Variants in ASIC2 observed in about 807,000 individuals in gnomAD.
ASIC2 encodes the protein acid sensing ion channel subunit 2.
ASIC2 carries 25 observed loss-of-function variants against 57.3 expected under a neutral mutation model. That is an observed-to-expected ratio of 0.44 (90% CI 0.32 to 0.61). ASIC2 has a LOEUF of 0.61. ASIC2 is among the 20% of genes least tolerant of loss of function. The pLI is 0.06. For missense variants in ASIC2, 641 were observed against 738.1 expected (o/e 0.87, Z 1.52); for synonymous variants, 319 against 307.5 (o/e 1.04, Z -0.39).
At chr17:33,635,825 G>T (rs1401350126) in intron 1 of ASIC2, among the ~76,000 whole-genome samples, 1 of 152,092 alleles carries the variant, frequency 6.6e-6, no homozygotes. Context: ...AAACCTCATC[G>T]CCATGATCTC....
At chr17:33,057,446 G>C (rs1195910073) in intron 3 of ASIC2, among the ~76,000 whole-genome samples, 1 of 152,210 alleles carries the variant, frequency 6.6e-6, no homozygotes, top group African/African-American at 2.4e-5. Context: ...CTATGTGCTT[G>C]TCATTTTCCT....
intron 1 of ASIC2, among the ~76,000 whole-genome samples, chr17:34,062,080 G>A (rs1010679598): frequency 1.3e-5 from 2 of 152,120 alleles, no homozygotes; most frequent in East Asian, 1.9e-4. Flanking sequence ...CATTCTATTC[G>A]ACAGTGCATG....
chr17:33,207,783 T>C (rs319789), intron 1 of ASIC2, among the ~76,000 whole-genome samples: 110,880 of 152,046 alleles, frequency 0.73, 41,120 homozygotes, highest in African/African-American at 0.86. Context: ...CAGGAGTTGC[T>C]CTCCACCAAA....
intron 1 of ASIC2, among the ~76,000 whole-genome samples, chr17:33,323,336 G>A (rs927587392): frequency 6.6e-6 from 1 of 152,180 alleles, no homozygotes; most frequent in Non-Finnish European, 1.5e-5. Flanking sequence ...ATACAGTAGA[G>A]TACTATACAA....
At chr17:33,909,867 C>G (rs1915425303) in intron 1 of ASIC2, among the ~76,000 whole-genome samples, 2 of 152,028 alleles carry the variant, frequency 1.3e-5, no homozygotes, top group Admixed American at 1.3e-4. Flanking sequence ...TCTCTCATCC[C>G]CTGAAGAGAA....
At chr17:34,104,193 A>G (rs1241075523) in intron 1 of ASIC2, among the ~76,000 whole-genome samples, 3 of 152,054 alleles carry the variant, frequency 2.0e-5, no homozygotes, top group African/African-American at 7.2e-5. Flanking sequence ...TTTATCAAGC[A>G]TTTTACATTT....
intron 1 of ASIC2, chr17:33,634,702 CTTTCTTTCT>C (rs1378425223): frequency 7.9e-4 from 103 of 130,140 alleles, no homozygotes; most frequent in South Asian, 4.1e-3. Flanking sequence ...TTCTTTCTTT[CTTTCTTTCT>C]TTTTTTTTTT....
intron 1 of ASIC2, among the ~76,000 whole-genome samples, chr17:33,278,146 C>T (rs1424771190): frequency 6.6e-6 from 1 of 152,076 alleles, no homozygotes; most frequent in Non-Finnish European, 1.5e-5. Context: ...CGATCCTCCC[C>T]TGCTCCCTGG....
At chr17:33,210,853 CT>C (rs1907241739) in intron 1 of ASIC2, among the ~76,000 whole-genome samples, 1 of 152,154 alleles carries the variant, frequency 6.6e-6, no homozygotes, top group African/African-American at 2.4e-5. Context: ...ACTTGAGAAA[CT>C]AGTGGGCTTT....
chr17:33,681,728 C>T (rs1908007436), intron 1 of ASIC2, among the ~76,000 whole-genome samples: 1 of 152,206 alleles, frequency 6.6e-6, no homozygotes, highest in South Asian at 2.1e-4. Context: ...AGGTTCAGAA[C>T]CCAAAGCCTC....
chr17:33,971,677 A>G (rs561531140), intron 1 of ASIC2, among the ~76,000 whole-genome samples: 10 of 152,294 alleles, frequency 6.6e-5, no homozygotes, highest in Non-Finnish European at 1.5e-4. Context: ...CTACCTACGA[A>G]TCTACCTATT....
At chr17:33,747,345 C>T (rs936766073) in intron 1 of ASIC2, among the ~76,000 whole-genome samples, 31 of 151,588 alleles carry the variant, frequency 2.0e-4, no homozygotes, top group Admixed American at 6.6e-5. Flanking sequence ...CACCTCAGTC[C>T]CCCAAGTAGC....
chr17:33,343,890 C>G (rs370606555), intron 1 of ASIC2, among the ~76,000 whole-genome samples: 1 of 152,218 alleles, frequency 6.6e-6, no homozygotes, highest in Non-Finnish European at 1.5e-5. Context: ...AGCGACTGTG[C>G]CTTTGCCCAG....
chr17:33,381,679 A>G (rs1909494317), intron 1 of ASIC2, among the ~76,000 whole-genome samples: 1 of 152,234 alleles, frequency 6.6e-6, no homozygotes, highest in South Asian at 2.1e-4. Flanking sequence ...AGAGCTGCTC[A>G]TGGTATCCGA....
At chr17:33,642,870 A>T (rs1906620796) in intron 1 of ASIC2, among the ~76,000 whole-genome samples, 1 of 152,110 alleles carries the variant, frequency 6.6e-6, no homozygotes, top group Admixed American at 6.5e-5. Context: ...AGACCTGCAA[A>T]CCTTGTCAGA....
intron 1 of ASIC2, among the ~76,000 whole-genome samples, chr17:33,541,570 A>G (rs1305316192): frequency 1.3e-5 from 2 of 152,180 alleles, no homozygotes; most frequent in Non-Finnish European, 2.9e-5. Context: ...GGCTCAACGG[A>G]AACTCAGGCC....
At chr17:33,725,636 T>C (rs1490922) in intron 1 of ASIC2, among the ~76,000 whole-genome samples, 27,366 of 151,990 alleles carry the variant, frequency 0.18, 3,170 homozygotes, top group African/African-American at 0.33. Flanking sequence ...CAAACACTTA[T>C]AGGATCCTAC....
intron 1 of ASIC2, among the ~76,000 whole-genome samples, chr17:33,378,546 C>T (rs1909362618): frequency 6.6e-6 from 1 of 152,236 alleles, no homozygotes; most frequent in Non-Finnish European, 1.5e-5. Context: ...TGCCCCTTGA[C>T]ACTCTCTGAT....
chr17:33,453,281 G>A (rs1912329218), intron 1 of ASIC2, among the ~76,000 whole-genome samples: 1 of 105,458 alleles, frequency 9.5e-6, no homozygotes, highest in African/African-American at 3.1e-5. Flanking sequence ...CTACAAAGCA[G>A]GTGAAAAAAA....
Sources: gnomAD v4.1 joint callset for allele counts (sites outside exome capture counted in the v4.1 genomes callset) on GRCh38, gnomAD v4.1.1 for gene constraint, MANE v1.5 for transcripts, NCBI Gene and HGNC (gene_info 2026-07-23, HGNC 2026-07-21) for gene names.